TM4SF20: variants seen among roughly 807,000 people sequenced by gnomAD.
TM4SF20 encodes the protein transmembrane 4 L six family member 20.
Under a neutral mutation model 15.1 loss-of-function variants are expected in TM4SF20, and 13 were observed. The ratio of observed to expected loss-of-function variants is 0.86; its 90% CI spans 0.56 to 1.36. The LOEUF is 1.36. Among genes scored for constraint, TM4SF20 ranks in the 40% most tolerant of loss-of-function variants. The pLI, the probability that TM4SF20 is intolerant of heterozygous loss-of-function variation, is 0.00. For missense variants in TM4SF20, 282 were observed against 268.4 expected (o/e 1.05, Z -0.35); for synonymous variants, 92 against 96.6 (o/e 0.95, Z 0.28).
chr2:227,367,810 G>GAGA (rs989117189), intron 2 of TM4SF20, among the ~76,000 whole-genome samples: 2 of 152,058 alleles, frequency 1.3e-5, no homozygotes, highest in African/African-American at 4.8e-5. Context: ...TTTTATAGAT[G>GAGA]AGAAAACTGT....
At chr2:227,367,449 A>G (rs905880557) in intron 2 of TM4SF20, among the ~76,000 whole-genome samples, 1 of 152,062 alleles carries the variant, frequency 6.6e-6, no homozygotes, top group Non-Finnish European at 1.5e-5. Flanking sequence ...CAAGGAGGGT[A>G]GATTGCTTGA....
At chr2:227,375,694 T>A (rs868665588) in intron 1 of TM4SF20, among the ~76,000 whole-genome samples, 1 of 152,264 alleles carries the variant, frequency 6.6e-6, no homozygotes, top group African/African-American at 2.4e-5. Flanking sequence ...TTTCACCGTG[T>A]TAGCCAGGAC....
intron 3 of TM4SF20, among the ~76,000 whole-genome samples, chr2:227,365,640 TA>T (rs748455954): frequency 6.6e-6 from 1 of 152,254 alleles, no homozygotes; most frequent in Non-Finnish European, 1.5e-5. Context: ...TTAAATTTTT[TA>T]AATTGTAAAT....
intron 1 of TM4SF20, among the ~76,000 whole-genome samples, chr2:227,372,284 T>C (rs2076424654): frequency 6.6e-6 from 1 of 152,166 alleles, no homozygotes; most frequent in Non-Finnish European, 1.5e-5. Flanking sequence ...ATGAGAAAAC[T>C]GAGGCATAGA....
At chr2:227,376,061 A>G (rs754081874) in intron 1 of TM4SF20, among the ~76,000 whole-genome samples, 22 of 152,246 alleles carry the variant, frequency 1.4e-4, no homozygotes, top group Non-Finnish European at 5.9e-5. Flanking sequence ...GTTTTAGAAG[A>G]TGAAAAGTCC....
intron 1 of TM4SF20, among the ~76,000 whole-genome samples, chr2:227,373,189 T>C (rs542661529): frequency 1.8e-4 from 27 of 152,248 alleles, no homozygotes; most frequent in Non-Finnish European, 3.2e-4. Context: ...TTTATTCTTT[T>C]AGCACGGGTT....
chr2:227,377,123 AT>A (rs35750680), intron 1 of TM4SF20, among the ~76,000 whole-genome samples: 27,592 of 151,778 alleles, frequency 0.18, 2,734 homozygotes, highest in Admixed American at 0.24. Flanking sequence ...ATGCTAATAC[AT>A]TTTTTTTAAT....
At chr2:227,379,313 A>G (rs1276086006), upstream of TM4SF20, 11 of 1,564,816 alleles carry the variant, frequency 7.0e-6, no homozygotes, top group South Asian at 1.1e-5. Flanking sequence ...CTATGCTTGC[A>G]TGGTACTATG....
chr2:227,375,310 T>C (rs1218931447), intron 1 of TM4SF20, among the ~76,000 whole-genome samples: 1 of 152,054 alleles, frequency 6.6e-6, no homozygotes, highest in Admixed American at 6.5e-5. Flanking sequence ...GGAGGATCAC[T>C]TGATCCCAGG....
At chr2:227,367,896 A>G (rs2076400593) in intron 2 of TM4SF20, among the ~76,000 whole-genome samples, 1 of 152,184 alleles carries the variant, frequency 6.6e-6, no homozygotes, top group South Asian at 2.1e-4. Flanking sequence ...TCTTCCAGCC[A>G]AAAGTTCAGA....
chr2:227,376,705 T>C (rs2076452471), intron 1 of TM4SF20, among the ~76,000 whole-genome samples: 1 of 152,252 alleles, frequency 6.6e-6, no homozygotes, highest in Non-Finnish European at 1.5e-5. Flanking sequence ...GTCACTTGAC[T>C]TTATGGATTA....
chr2:227,364,815 A>G (rs1409750662), intron 3 of TM4SF20, among the ~76,000 whole-genome samples: 1 of 152,214 alleles, frequency 6.6e-6, no homozygotes, highest in Admixed American at 6.5e-5. Flanking sequence ...TGCCTGGTAC[A>G]TTGTGGGCTG....
chr2:227,366,643 C>T (rs1422753509), intron 2 of TM4SF20, among the ~76,000 whole-genome samples: 2 of 140,340 alleles, frequency 1.4e-5, no homozygotes, highest in Non-Finnish European at 1.5e-5. Flanking sequence ...GCAGGAGAAT[C>T]GCTTGAACCC....
At chr2:227,373,920 T>C (rs980460253) in intron 1 of TM4SF20, among the ~76,000 whole-genome samples, 2 of 62,916 alleles carry the variant, frequency 3.2e-5, no homozygotes. Flanking sequence ...AGAGCGAGAC[T>C]CCGTCTCAAA....
At chr2:227,376,930 T>C (rs1209527918) in intron 1 of TM4SF20, among the ~76,000 whole-genome samples, 1 of 152,204 alleles carries the variant, frequency 6.6e-6, no homozygotes, top group African/African-American at 2.4e-5. Flanking sequence ...CTAAATGAGA[T>C]AACAAGGTAA....
chr2:227,374,787 A>T (rs1351726203), intron 1 of TM4SF20, among the ~76,000 whole-genome samples: 2 of 152,072 alleles, frequency 1.3e-5, no homozygotes, highest in Admixed American at 6.5e-5. Flanking sequence ...AGCTCATTAC[A>T]AATATCAAAA....
rs774508444 is a variant in TM4SF20 at position 227,364,018 on chromosome 2, A to G, written c.402-6T>C. 6.2e-7 allele frequency: 1 copy of G among 1,601,344 alleles called. No homozygotes were observed. On this transcript the variant is annotated splice_region_variant and splice_polypyrimidine_tract_variant and intron_variant, in intron 3 of 3. Transcript: ENST00000304568. ...AGGATTCTGGATGAATGTCACTGAAAAACAAAAGATAAAAATCAGATATTC... is the reference window on the plus strand; with the variant it reads ...AGGATTCTGGATGAATGTCACTGAAGAACAAAAGATAAAAATCAGATATTC...
chr2:227,375,482 C>G (rs7597841), intron 1 of TM4SF20, among the ~76,000 whole-genome samples: 35,149 of 152,042 alleles, frequency 0.23, 4,145 homozygotes, highest in African/African-American at 0.27. Context: ...ATCTGTTTAA[C>G]TTTCAACAAT....
Position 227,370,974 on chromosome 2 carries a change from G to T in TM4SF20, c.190C>A (p.Pro64Thr). The T allele has an allele frequency of 6.2e-7, 1 of 1,613,810 alleles. No homozygotes were observed. The change falls in exon 2 of 4, where the codon CCA (proline) becomes ACA (threonine). Residue 64 changes from proline to threonine, a missense_variant. By Grantham distance (38) the Pro-to-Thr change is conservative. Coordinates refer to ENST00000304568, the MANE Select transcript of TM4SF20 (RefSeq NM_024795.4). ...GIIGAGLMAI[P>T]ATTMSLTARK... ...GCTGTCAAGGACATTGTTGTTGCTG[G>T]AATGGCCTGGAAATGACATCAACAG...
Sources: allele counts gnomAD v4.1 joint callset (sites outside exome capture counted in the v4.1 genomes callset), GRCh38; gene constraint gnomAD v4.1.1; transcripts MANE v1.5; gene names NCBI Gene and HGNC (gene_info 2026-07-23, HGNC 2026-07-21).